Variants in CEBPZ observed in about 807,000 individuals in gnomAD.
CEBPZ encodes CCAAT enhancer binding protein zeta.
In CEBPZ, 78 loss-of-function variants were observed where a neutral mutation model predicts 104.5. That is an observed-to-expected ratio of 0.75 (90% CI 0.62 to 0.90). CEBPZ has a LOEUF of 0.90. CEBPZ is among the 40% of genes least tolerant of loss of function. The pLI, the probability that CEBPZ is intolerant of heterozygous loss-of-function variation, is 0.00. For missense variants in CEBPZ, 1,439 were observed against 1,233.5 expected, an observed-to-expected ratio of 1.17 and a Z score of -2.50; for synonymous variants, 470 against 427.0, an observed-to-expected ratio of 1.10 and a Z score of -1.24.
intron 4 of CEBPZ, among the ~76,000 whole-genome samples, chr2:37,221,977 TA>T (rs1664780429): frequency 6.6e-6 from 1 of 152,196 alleles, no homozygotes; most frequent in South Asian, 2.1e-4. Context: ...TTTCTATCCC[TA>T]AAACATTACT....
intron 10 of CEBPZ, 21 bp downstream of exon 10, chr2:37,213,843 A>C (rs746824612): frequency 2.0e-6 from 3 of 1,514,464 alleles, no homozygotes; most frequent in Non-Finnish European, 2.7e-6. Context: ...TATTTTACAA[A>C]GAGTCAACAA....
At chr2:37,223,060 C>T (rs1664806150) in intron 3 of CEBPZ, 110 bp downstream of exon 3, 1 of 851,054 alleles carries the variant, frequency 1.2e-6, no homozygotes, top group Non-Finnish European at 1.8e-6. Flanking sequence ...AGAACTCACA[C>T]TCATATGCTC....
intron 6 of CEBPZ, among the ~76,000 whole-genome samples, chr2:37,216,635 A>G (rs1032844299): frequency 1.3e-5 from 2 of 152,240 alleles, no homozygotes; most frequent in African/African-American, 4.8e-5. Context: ...TGTTGATTTG[A>G]TGGATAGACT....
chr2:37,212,619 G>C (rs1239613110), intron 10 of CEBPZ: 1 of 532,278 alleles, frequency 1.9e-6, no homozygotes, highest in Non-Finnish European at 3.3e-6. Context: ...GTTAATTTCG[G>C]CTCTTTCTAC....
rs766026965 is a variant in CEBPZ at position 37,223,263 on chromosome 2, T to C, written c.1788A>G (p.Gln596=). Residue 596 remains glutamine, a synonymous_variant, in exon 3 of 16, where the codon CAA becomes CAG. Coordinates refer to ENST00000234170, the MANE Select transcript of CEBPZ (RefSeq NM_005760.3). ...FVKRLLQVTC[Q]QMPPFICGAL... is the part of the protein sequence containing the mutation. ...CTCCACATATAAATGGTGGCATCTG[T>C]TGACAAGTAACTTGAAGTAACCTCT... The C allele has an allele frequency of 1.7e-5, 27 of 1,614,028 alleles. No homozygotes were observed. The African/African-American group carries it at 2.7e-4, about 16-fold the overall frequency.
Position 37,209,876 on chromosome 2 carries a change from T to G in CEBPZ, c.2884+1123A>C, listed in dbSNP as rs533246179. The G allele has an allele frequency of 1.8e-4, 28 of 152,152 alleles. No homozygotes were observed. In the South Asian group the frequency reaches 5.6e-3, roughly 30 times the overall value. The allele number at this position is 152,152 out of a possible 1,614,324, so 9.4% of individuals were successfully genotyped here. ...AGAGTGGGAGAAAATCTTCGTAAAC[T>G]ATGCATCTGAGAAAGGACTAATGTC... is the stretch of plus-strand genomic sequence containing the variant. On this transcript the variant is annotated intron_variant, in intron 13 of 15. Coordinates refer to ENST00000234170, the MANE Select transcript of CEBPZ (RefSeq NM_005760.3).
Position 37,228,238 on chromosome 2 carries a change from A to G in CEBPZ, c.955T>C (p.Ser319Pro), listed in dbSNP as rs1664939321. 1 of 1,614,072 alleles carries G rather than the reference A, an allele frequency of 6.2e-7. No individual in the cohort carries two copies. Among genetic ancestry groups the G allele is most frequent in the Admixed American group, 1.7e-5 (1 of 60,006 alleles). ...TCTCTTGAGTCCTTGTTGCCACTGG[A>G]CAACTGTTCCAGTTTGTCAAAAGGA... The part of the protein sequence containing the change: ...QRPFDKLEQL[S>P]SGNKDSRDRR... Residue 319 changes from serine (S) to proline (P), a missense_variant, in exon 2 of 16, where the codon TCC becomes CCC. Transcript: ENST00000234170.
At chr2:37,226,459 A>C (rs1201755931) in intron 2 of CEBPZ, among the ~76,000 whole-genome samples, 2 of 152,234 alleles carry the variant, frequency 1.3e-5, no homozygotes, top group African/African-American at 4.8e-5. Flanking sequence ...CCTTCATTAA[A>C]GCCCCAGTTC....
chr2:37,201,997 C>T, intron 15 of CEBPZ, 94 bp from the exon 16 acceptor site: 1 of 1,201,704 alleles, frequency 8.3e-7, no homozygotes, highest in Non-Finnish European at 1.2e-6. Flanking sequence ...AACTTCTAGC[C>T]TGCCTTGGCC....
intron 5 of CEBPZ, 95 bp from the exon 6 acceptor site, chr2:37,217,132 T>C (rs895540305): frequency 2.9e-5 from 29 of 988,470 alleles, no homozygotes; most frequent in Non-Finnish European, 3.8e-5. Context: ...GTGTGGTGGC[T>C]CACACCTGTA....
chr2:37,228,113 G>A lies in CEBPZ; in HGVS notation c.1080C>T (p.Thr360=), dbSNP rs1283977033. The change falls in exon 2 of 16, where the codon ACC becomes ACT. Residue 360 remains threonine, a synonymous_variant. Coordinates refer to ENST00000234170, the MANE Select transcript of CEBPZ (RefSeq NM_005760.3). Reference sequence around the variant, plus strand: ...CCACGGTAAGGGCTCGAGTTTTAGTGGTTACTAATGTATCATGACTTAAAG... The same window carrying A: ...CCACGGTAAGGGCTCGAGTTTTAGTAGTTACTAATGTATCATGACTTAAAG... ...LETLSHDTLV[T]TKTRALTVAH... 6 of 1,614,126 alleles carry A rather than the reference G, an allele frequency of 3.7e-6. No individual in the cohort carries two copies. The highest frequency in any genetic ancestry group is 4.2e-6 in the Non-Finnish European group (5 of 1,180,014).
At chr2:37,229,844 C>A (rs1182175930) in intron 1 of CEBPZ, among the ~76,000 whole-genome samples, 1 of 152,132 alleles carries the variant, frequency 6.6e-6, no homozygotes, top group African/African-American at 2.4e-5. Flanking sequence ...GCTGGCACTA[C>A]ACGCCCAGCT....
rs756690383 is a variant in CEBPZ, at chr2:37,216,398, T to G, written c.2229A>C (p.Ser743=). ...GAGTGAAATCCTGCAGTGGGTCCCC[T>G]GAATACTGAATATAGTTTCCCTGAA... The part of the protein sequence containing the change: ...TILQGNYIQY[S]GDPLQDFTLM... Residue 743 remains serine (S), a synonymous_variant, in exon 7 of 16, where the codon TCA becomes TCC. Transcript: ENST00000234170. The G allele has an allele frequency of 1.2e-6, 2 of 1,612,548 alleles. No homozygotes were observed. Among genetic ancestry groups the G allele is most frequent in the South Asian group, 2.2e-5 (2 of 90,796 alleles).
intron 1 of CEBPZ, among the ~76,000 whole-genome samples, chr2:37,229,654 T>C (rs958245569): frequency 6.6e-6 from 1 of 152,180 alleles, no homozygotes; most frequent in Non-Finnish European, 1.5e-5. Flanking sequence ...TCAACTCCAA[T>C]CACAACTATT....
chr2:37,231,446 G>C lies in CEBPZ; in HGVS notation c.122C>G (p.Ser41Cys). ...DNTSEAENGF[S>C]LEEVLRLGGT... is the part of the protein sequence containing the mutation. Reference sequence around the variant, plus strand: ...TCCGAGCCGTAACACTTCCTCCAGGGAGAACCCATTCTCGGCTTCACTAGT... The same window carrying C: ...TCCGAGCCGTAACACTTCCTCCAGGCAGAACCCATTCTCGGCTTCACTAGT... The change falls in exon 1 of 16, where the codon TCC (serine) becomes TGC (cysteine). Residue 41 changes from serine to cysteine, a missense_variant. Ser to Cys is a moderately radical substitution (Grantham distance 112). Coordinates refer to ENST00000234170, the MANE Select transcript of CEBPZ (RefSeq NM_005760.3). 6.2e-7 allele frequency: 1 copy of C among 1,614,184 alleles called. No individual in the cohort carries two copies. Among genetic ancestry groups the C allele is most frequent in the Non-Finnish European group, 8.5e-7 (1 of 1,180,032 alleles).
chr2:37,230,172 G>A (rs559337532), intron 1 of CEBPZ, among the ~76,000 whole-genome samples: 1 of 152,274 alleles, frequency 6.6e-6, no homozygotes, highest in African/African-American at 2.4e-5. Flanking sequence ...CCATAGCAAT[G>A]ACACAGAACG....
chr2:37,224,567 TCC>T (rs1558476988), intron 2 of CEBPZ, among the ~76,000 whole-genome samples: 1 of 13,022 alleles, frequency 7.7e-5, no homozygotes, highest in African/African-American at 7.9e-4. Flanking sequence ...ATTTAAATTT[TCC>T]CTCTTTACAT....
At chr2:37,202,593 C>T (rs1677308255) in intron 15 of CEBPZ, 191 bp downstream of exon 15, 3 of 401,064 alleles carry the variant, frequency 7.5e-6, no homozygotes, top group African/African-American at 2.6e-5. Context: ...TGCAGTGAGC[C>T]AAGATCATGC....
chr2:37,220,215 G>T (rs979018918), intron 5 of CEBPZ, among the ~76,000 whole-genome samples, 170 bp downstream of exon 5: 1 of 151,792 alleles, frequency 6.6e-6, no homozygotes, highest in Non-Finnish European at 1.5e-5. Flanking sequence ...TACTTGGGAG[G>T]CTGAGCCAGG....
Sources: gnomAD v4.1 joint callset for allele counts (sites outside exome capture counted in the v4.1 genomes callset) on GRCh38, gnomAD v4.1.1 for gene constraint, MANE v1.5 for transcripts, NCBI Gene and HGNC (gene_info 2026-07-23, HGNC 2026-07-21) for gene names.